Variants in PDCD2L observed in about 807,000 individuals in gnomAD.
The protein encoded by PDCD2L is programmed cell death 2 like.
PDCD2L carries 44 observed loss-of-function variants against 40.4 expected under a neutral mutation model. The observed-to-expected ratio is 1.09, with a 90% CI of 0.86 to 1.40. PDCD2L has a LOEUF of 1.40. Ranked by LOEUF, PDCD2L falls within the 40% of genes most tolerant of loss-of-function variation. PDCD2L has a pLI of 0.00. For missense variants in PDCD2L, 470 were observed against 453.7 expected (o/e 1.04, Z -0.33); for synonymous variants, 194 against 174.6 (o/e 1.11, Z -0.88).
chr19:34,407,067 C>A (rs1377369775), intron 3 of PDCD2L, among the ~76,000 whole-genome samples: 1 of 150,982 alleles, frequency 6.6e-6, no homozygotes, highest in Non-Finnish European at 1.5e-5. Context: ...GAACTCCTGA[C>A]CTCAGGCAAC....
intron 5 of PDCD2L, among the ~76,000 whole-genome samples, chr19:34,420,905 A>G (rs1235347065): frequency 6.6e-6 from 1 of 151,886 alleles, no homozygotes; most frequent in Admixed American, 6.6e-5. Flanking sequence ...TTTTTCACAG[A>G]CTGAGGTGGG....
At position 34,404,419 on chromosome 19, in the gene PDCD2L, C is replaced by G; in HGVS notation, c.-12C>G. The G allele has an allele frequency of 6.5e-7, 1 of 1,539,028 alleles. No individual in the cohort carries two copies. ...GCCGTAGTTTGCGTTTTCACCTGGT[C>G]GCCCGGCGGCCATGGCGGCCGTTCT... On this transcript the variant is annotated 5_prime_UTR_variant, in exon 1 of 7. Transcript: ENST00000246535.
At chr19:34,419,458 T>C (rs941063750) in intron 5 of PDCD2L, among the ~76,000 whole-genome samples, 10 of 151,372 alleles carry the variant, frequency 6.6e-5, no homozygotes, top group Admixed American at 5.3e-4. Context: ...CCCCACCATG[T>C]TGGGTTAATT....
chr19:34,418,624 G>A (rs541745275), intron 5 of PDCD2L, among the ~76,000 whole-genome samples: 1 of 152,098 alleles, frequency 6.6e-6, no homozygotes, highest in Non-Finnish European at 1.5e-5. Context: ...TCTGATTTTG[G>A]GGGGGTAGAT....
At chr19:34,413,234 T>G (rs1237661630) in intron 4 of PDCD2L, among the ~76,000 whole-genome samples, 1 of 151,644 alleles carries the variant, frequency 6.6e-6, no homozygotes, top group Non-Finnish European at 1.5e-5. Context: ...GAGATGGGGT[T>G]TCAAGATGTT....
At chr19:34,407,153 T>C (rs35845153) in intron 3 of PDCD2L, among the ~76,000 whole-genome samples, 114 of 147,972 alleles carry the variant, frequency 7.7e-4, no homozygotes, top group Admixed American at 1.5e-3. Flanking sequence ...AGATTTTTTT[T>C]TTTCTTTGAG....
chr19:34,418,019 A>G (rs1364064416), intron 5 of PDCD2L, among the ~76,000 whole-genome samples: 1 of 152,164 alleles, frequency 6.6e-6, no homozygotes. Flanking sequence ...TTGAATTTGC[A>G]TTTTCCTAAT....
intron 3 of PDCD2L, among the ~76,000 whole-genome samples, chr19:34,407,542 T>C (rs2075082570): frequency 6.6e-6 from 1 of 152,224 alleles, no homozygotes; most frequent in African/African-American, 2.4e-5. Context: ...GTGTCTGGCT[T>C]ATTTCCCTTA....
At chr19:34,408,362 G>T (rs899328175) in intron 3 of PDCD2L, among the ~76,000 whole-genome samples, 8 of 149,220 alleles carry the variant, frequency 5.4e-5, no homozygotes. Flanking sequence ...ACCGAGTGTC[G>T]CTCTGTCACC....
intron 5 of PDCD2L, among the ~76,000 whole-genome samples, chr19:34,415,391 G>T (rs1450601207): frequency 6.6e-6 from 1 of 152,158 alleles, no homozygotes. Flanking sequence ...TGGAGTTACA[G>T]GCTTGAGCCA....
chr19:34,414,422 C>A (rs1021526458), intron 5 of PDCD2L, among the ~76,000 whole-genome samples: 2 of 149,822 alleles, frequency 1.3e-5, no homozygotes, highest in Admixed American at 6.7e-5. Flanking sequence ...CGTAATCTGC[C>A]CACCTCAGCC....
intron 6 of PDCD2L, 84 bp downstream of exon 6, chr19:34,421,751 A>C: frequency 2.7e-6 from 4 of 1,467,624 alleles, no homozygotes; most frequent in Non-Finnish European, 2.8e-6. Context: ...TACTTATAAA[A>C]TATCATAAGC....
Position 34,409,070 on chromosome 19 carries a change from C to T in PDCD2L, c.337-91C>T, listed in dbSNP as rs2075089760. ...GAAGGGGATGGTGTGAAGGCTCCCT[C>T]TGGAAGGCGCGGCGGTGGGTGGCTG... On this transcript the variant is annotated intron_variant, in intron 3 of 6. Transcript: ENST00000246535. 6 of 1,201,010 alleles carry T rather than the reference C, an allele frequency of 5.0e-6. No individual in the cohort carries two copies. In the Admixed American group the frequency reaches 1.0e-4, roughly 20 times the overall value. 74.4% of individuals were successfully genotyped at this position (1,201,010 alleles called of 1,614,324 possible). A position where few individuals can be genotyped will look rare whatever the true frequency, so the allele number is the denominator to read the frequency against.
intron 5 of PDCD2L, among the ~76,000 whole-genome samples, chr19:34,419,631 C>A (rs1034314530): frequency 6.6e-6 from 1 of 151,868 alleles, no homozygotes; most frequent in Admixed American, 6.6e-5. Context: ...CATCTGTCAC[C>A]ACACCTGACT....
chr19:34,408,062 C>T (rs1184992417), intron 3 of PDCD2L, among the ~76,000 whole-genome samples: 2 of 151,868 alleles, frequency 1.3e-5, no homozygotes, highest in Admixed American at 6.6e-5. Context: ...CACGTGCCAC[C>T]ATGCCCAGCT....
Position 34,421,538 on chromosome 19 carries a change from C to A in PDCD2L, c.817C>A (p.Pro273Thr). ...TCCTAGGTATTCCTGGAGTGGAGAG[C>A]CACTCTTTTTGACCTGCCCTACATC... ...QILRYSWSGE[P>T]LFLTCPTSEV... is the part of the protein sequence containing the mutation. Residue 273 changes from proline (P) to threonine (T), a missense_variant, in exon 6 of 7, where the codon CCA becomes ACA. Pro to Thr is a conservative substitution (Grantham distance 38, BLOSUM62 -1). Transcript: ENST00000246535. 1 of 1,614,014 alleles carries A rather than the reference C, an allele frequency of 6.2e-7. No homozygotes were observed. Among genetic ancestry groups the A allele is most frequent in the African/African-American group, 1.3e-5 (1 of 74,998 alleles).
intron 5 of PDCD2L, among the ~76,000 whole-genome samples, chr19:34,415,402 CTG>C (rs2075122696): frequency 6.6e-6 from 1 of 152,172 alleles, no homozygotes; most frequent in Admixed American, 6.6e-5. Context: ...GCTTGAGCCA[CTG>C]TGACTAGTGG....
chr19:34,415,995 A>G (rs1247436593), intron 5 of PDCD2L, among the ~76,000 whole-genome samples: 1 of 152,190 alleles, frequency 6.6e-6, no homozygotes, highest in African/African-American at 2.4e-5. Flanking sequence ...ATCTCAGCTC[A>G]CTGCAACCTC....
chr19:34,406,826 C>CTTTTT (rs35175132), intron 3 of PDCD2L, among the ~76,000 whole-genome samples: 12 of 102,246 alleles, frequency 1.2e-4, no homozygotes, highest in Non-Finnish European at 1.5e-4. Context: ...TTCTTTCTTC[C>CTTTTT]TTTTTTTTTT....
Sources: gnomAD v4.1 joint callset for allele counts (sites outside exome capture counted in the v4.1 genomes callset) on GRCh38, gnomAD v4.1.1 for gene constraint, MANE v1.5 for transcripts, NCBI Gene and HGNC (gene_info 2026-07-23, HGNC 2026-07-21) for gene names.